Variants in MGAT4A observed in about 807,000 individuals in gnomAD.
The protein encoded by MGAT4A is N-acetylglucosaminyltransferase IVa.
In MGAT4A, 33 loss-of-function variants were observed where a neutral mutation model predicts 74.1. The observed-to-expected ratio is 0.45, with a 90% CI of 0.34 to 0.60. The LOEUF (loss-of-function observed/expected upper bound fraction) is 0.60, where lower values mean the gene tolerates loss of function less well. MGAT4A is among the 20% of genes least tolerant of loss of function. The pLI is 0.02. For synonymous variants in MGAT4A, 198 were observed against 210.4 expected, an observed-to-expected ratio of 0.94 and a Z score of 0.51; for missense variants, 479 against 628.3, an observed-to-expected ratio of 0.76 and a Z score of 2.54.
intron 6 of MGAT4A, among the ~76,000 whole-genome samples, chr2:98,657,550 G>C (rs1438036407): frequency 6.6e-6 from 1 of 152,122 alleles, no homozygotes; most frequent in Non-Finnish European, 1.5e-5. Context: ...TAGACAAGGA[G>C]CCACATTATT....
chr2:98,657,085 C>G (rs1173205860), intron 6 of MGAT4A, among the ~76,000 whole-genome samples: 1 of 152,248 alleles, frequency 6.6e-6, no homozygotes, highest in Non-Finnish European at 1.5e-5. Flanking sequence ...TACGGCAGCC[C>G]CCACAACAAA....
At chr2:98,656,850 C>T (rs1030537493) in intron 6 of MGAT4A, among the ~76,000 whole-genome samples, 1 of 151,880 alleles carries the variant, frequency 6.6e-6, no homozygotes, top group African/African-American at 2.4e-5. Context: ...TCTTTAAATA[C>T]GTATATTTTG....
At chr2:98,641,683 A>G (rs907430167) in intron 10 of MGAT4A, among the ~76,000 whole-genome samples, 8 of 148,518 alleles carry the variant, frequency 5.4e-5, no homozygotes, top group African/African-American at 2.0e-4. Flanking sequence ...CTCACAAAAG[A>G]AAAAAAAGAA....
rs531946050 is a variant in MGAT4A, at chr2:98,652,424, G to A, written c.774+3021C>T. ...CGGCTCACTGCAAGCTCCACCTCCCGGGTTCACGCCATTCTCCTGCCTCAG... is the reference window on the plus strand; with the variant it reads ...CGGCTCACTGCAAGCTCCACCTCCCAGGTTCACGCCATTCTCCTGCCTCAG... On this transcript the variant is annotated intron_variant, in intron 8 of 15. Coordinates refer to ENST00000393487, the MANE Select transcript of MGAT4A (RefSeq NM_012214.3). Among the ~76,000 whole-genome samples, 11 of 150,672 alleles carry A rather than the reference G, an allele frequency of 7.3e-5. 1 individual carries two copies. The South Asian group carries it at 8.4e-4, about 11-fold the overall frequency.
chr2:98,659,254 C>G (rs1701709057), intron 5 of MGAT4A, among the ~76,000 whole-genome samples: 1 of 152,166 alleles, frequency 6.6e-6, no homozygotes, highest in Non-Finnish European at 1.5e-5. Flanking sequence ...AAAGTGAAAC[C>G]ACTTTCTAGG....
At chr2:98,691,992 T>G (rs577236032) in intron 2 of MGAT4A, among the ~76,000 whole-genome samples, 29 of 152,314 alleles carry the variant, frequency 1.9e-4, no homozygotes, top group Non-Finnish European at 3.2e-4. Context: ...AAAAACAAAA[T>G]ATTTTATGTG....
intron 2 of MGAT4A, among the ~76,000 whole-genome samples, chr2:98,704,115 A>G (rs1702389080): frequency 6.6e-6 from 1 of 152,236 alleles, no homozygotes. Flanking sequence ...TGAAATCGCC[A>G]GTGCCTAGTG....
At chr2:98,706,843 C>G (rs1431261805) in intron 2 of MGAT4A, among the ~76,000 whole-genome samples, 4 of 149,880 alleles carry the variant, frequency 2.7e-5, no homozygotes, top group Admixed American at 1.3e-4. Flanking sequence ...GAGATGGAAA[C>G]TGGCTGGGAG....
In MGAT4A at chr2:98,625,525, TAAC is replaced by T; in HGVS notation, c.*38_*40del. The T allele has an allele frequency of 1.2e-6, 2 of 1,601,616 alleles. No homozygotes were observed. Among genetic ancestry groups the T allele is most frequent in the Non-Finnish European group, 1.7e-6 (2 of 1,177,052 alleles). ...AGATACATGCTTAACTATCTTTAAT[TAAC>T]AAATTCACAGGAAAAAATGTGTTGG... On this transcript the variant is annotated 3_prime_UTR_variant, in exon 16 of 16. Coordinates refer to ENST00000393487, the MANE Select transcript of MGAT4A (RefSeq NM_012214.3).
At chr2:98,725,908 C>G in intron 2 of MGAT4A, 1 of 382,032 alleles carries the variant, frequency 2.6e-6, no homozygotes, top group Non-Finnish European at 4.7e-6. Context: ...GCTTATTAAA[C>G]ACTTAATTAT....
chr2:98,672,310 G>GTGTTTTCTT, intron 4 of MGAT4A, among the ~76,000 whole-genome samples: 1 of 152,240 alleles, frequency 6.6e-6, no homozygotes, highest in Middle Eastern at 3.4e-3. Flanking sequence ...TGACTAATAC[G>GTGTTTTCTT]TGTTTTCTTT....
At chr2:98,658,355 ACATT>A (rs1320688351) in intron 5 of MGAT4A, 91 bp from the exon 6 acceptor site, 1 of 717,574 alleles carries the variant, frequency 1.4e-6, no homozygotes, top group East Asian at 2.9e-5. Flanking sequence ...AATGATAAAA[ACATT>A]CATTAAAACC....
intron 2 of MGAT4A, among the ~76,000 whole-genome samples, chr2:98,700,113 A>C (rs1386354171): frequency 6.6e-6 from 1 of 152,078 alleles, no homozygotes; most frequent in South Asian, 2.1e-4. Context: ...GTGCGATATG[A>C]TTTTACCTGG....
chr2:98,684,510 G>A (rs1702102283), intron 2 of MGAT4A, among the ~76,000 whole-genome samples: 1 of 152,314 alleles, frequency 6.6e-6, no homozygotes, highest in East Asian at 1.9e-4. Flanking sequence ...AAAATTTCCA[G>A]AGAAACCACT....
intron 4 of MGAT4A, among the ~76,000 whole-genome samples, chr2:98,667,698 TG>T (rs1223143862): frequency 4.8e-5 from 6 of 124,586 alleles, no homozygotes; most frequent in African/African-American, 1.4e-4. Flanking sequence ...ATTCAGTTTT[TG>T]TTGTTGTTGT....
At chr2:98,688,348 T>C (rs535887264) in intron 2 of MGAT4A, among the ~76,000 whole-genome samples, 1 of 152,296 alleles carries the variant, frequency 6.6e-6, no homozygotes, top group Admixed American at 6.5e-5. Context: ...GACTCTGCAG[T>C]GACCCCAGTG....
chr2:98,694,509 G>C (rs1702240198), intron 2 of MGAT4A: 1 of 153,978 alleles, frequency 6.5e-6, no homozygotes, highest in African/African-American at 2.4e-5. Context: ...TCTTGCTGAA[G>C]TTGCATGTGG....
chr2:98,708,354 T>C (rs1702469374), intron 2 of MGAT4A, among the ~76,000 whole-genome samples: 1 of 152,212 alleles, frequency 6.6e-6, no homozygotes, highest in African/African-American at 2.4e-5. Flanking sequence ...TAATTAGATA[T>C]ACTCGCTGAT....
intron 2 of MGAT4A, among the ~76,000 whole-genome samples, chr2:98,686,093 C>T (rs887855883): frequency 2.0e-5 from 3 of 152,082 alleles, no homozygotes; most frequent in African/African-American, 7.2e-5. Flanking sequence ...ATCCAGTGAA[C>T]ACCAGTTTCA....
Sources: allele counts gnomAD v4.1 joint callset (sites outside exome capture counted in the v4.1 genomes callset), GRCh38; gene constraint gnomAD v4.1.1; transcripts MANE v1.5; gene names NCBI Gene and HGNC (gene_info 2026-07-23, HGNC 2026-07-21).